The following MIER3 variants were observed in gnomAD, a reference collection of about 807,000 sequenced individuals.
MIER3 encodes MIER family member 3.
Under a neutral mutation model 63.2 loss-of-function variants are expected in MIER3, and 9 were observed. The ratio of observed to expected loss-of-function variants is 0.14; its 90% CI spans 0.09 to 0.25. The LOEUF (loss-of-function observed/expected upper bound fraction) is 0.25. Ranked by LOEUF, MIER3 falls within the 10% of genes least tolerant of loss-of-function variation. The pLI, the probability that MIER3 is intolerant of heterozygous loss-of-function variation, is 1.00. For missense variants in MIER3, 512 were observed against 666.2 expected, an observed-to-expected ratio of 0.77 and a Z score of 2.55; for synonymous variants, 205 against 224.9, an observed-to-expected ratio of 0.91 and a Z score of 0.79.
intron 1 of MIER3, 30 bp downstream of exon 1, chr5:56,952,064 C>G (rs1172308793): frequency 3.9e-6 from 5 of 1,290,690 alleles, no homozygotes; most frequent in Admixed American, 6.3e-5. Flanking sequence ...CGCTCCAGCC[C>G]GGCTGCTCCT....
chr5:56,944,882 A>T (rs576531150), intron 3 of MIER3, among the ~76,000 whole-genome samples: 219 of 150,318 alleles, frequency 1.5e-3, no homozygotes, highest in Middle Eastern at 0.01. Flanking sequence ...TTTTTGGTAG[A>T]AACAGGGTCT....
intron 3 of MIER3, among the ~76,000 whole-genome samples, chr5:56,943,210 G>A (rs1216993785): frequency 1.3e-5 from 2 of 152,018 alleles, no homozygotes; most frequent in East Asian, 3.9e-4. Context: ...GAACGGGAGG[G>A]AAGAAAGTAC....
intron 2 of MIER3, 41 bp from the exon 3 acceptor site, chr5:56,947,112 G>C: frequency 6.4e-7 from 1 of 1,558,156 alleles, no homozygotes; most frequent in Non-Finnish European, 8.6e-7. Flanking sequence ...CATTTACAAG[G>C]CTATTAACAA....
At chr5:56,935,241 G>C (rs377046975) in intron 7 of MIER3, among the ~76,000 whole-genome samples, 187 bp downstream of exon 7, 3 of 152,076 alleles carry the variant, frequency 2.0e-5, no homozygotes, top group Non-Finnish European at 4.4e-5. Flanking sequence ...GGGGTGGGGG[G>C]AAACTCTGAG....
intron 9 of MIER3, chr5:56,929,393 C>A (rs914086224): frequency 6.6e-6 from 1 of 152,014 alleles, no homozygotes; most frequent in Non-Finnish European, 1.5e-5. Flanking sequence ...CATGGAAAAA[C>A]CCTGTCTTTA....
chr5:56,952,117 G>A lies in MIER3; in HGVS notation c.-15C>T, dbSNP rs1014182298. ...ACCTCCGCCATATTGGTACCTTTAG[G>A]GCGAACGAGCAGCGCCGAGCCCAGT... is the stretch of plus-strand genomic sequence containing the variant. On this transcript the variant is annotated 5_prime_UTR_variant, in exon 1 of 13. Coordinates refer to ENST00000381199, the MANE Select transcript of MIER3 (RefSeq NM_001297599.2). 11 of 1,289,438 alleles carry A rather than the reference G, an allele frequency of 8.5e-6. No homozygotes were observed. In the African/African-American group the frequency reaches 9.5e-5, roughly 11 times the overall value. 79.9% of individuals were successfully genotyped at this position (1,289,438 alleles called of 1,614,324 possible).
chr5:56,948,243 A>G (rs1351534138), intron 2 of MIER3, among the ~76,000 whole-genome samples: 2 of 152,234 alleles, frequency 1.3e-5, no homozygotes, highest in Non-Finnish European at 2.9e-5. Flanking sequence ...AGAGAACTCT[A>G]ATTAGTTCTA....
chr5:56,951,873 C>T (rs959963878), intron 1 of MIER3, among the ~76,000 whole-genome samples: 1 of 150,790 alleles, frequency 6.6e-6, no homozygotes, highest in Admixed American at 6.6e-5. Flanking sequence ...GGGCCGGAGC[C>T]GCCGCGGCCT....
At chr5:56,933,074 T>C (rs1442563949) in intron 8 of MIER3, among the ~76,000 whole-genome samples, 173 bp downstream of exon 8, 1 of 152,168 alleles carries the variant, frequency 6.6e-6, no homozygotes, top group Non-Finnish European at 1.5e-5. Context: ...AAAACTACAG[T>C]GAAGTTATCT....
intron 2 of MIER3, among the ~76,000 whole-genome samples, chr5:56,947,946 A>T (rs1210668418): frequency 6.6e-6 from 1 of 152,258 alleles, no homozygotes. Flanking sequence ...TTATAAAAAA[A>T]CAGGATTTTC....
At chr5:56,937,508 A>C (rs1750488716) in intron 5 of MIER3, 70 bp downstream of exon 5, 1 of 1,375,654 alleles carries the variant, frequency 7.3e-7, no homozygotes, top group Non-Finnish European at 9.8e-7. Flanking sequence ...CAAATTACTG[A>C]ACACAATAAA....
In MIER3 at chr5:56,937,579, T is replaced by C; in HGVS notation, c.435A>G (p.Arg145=). 1 of 1,603,358 alleles carries C rather than the reference T, an allele frequency of 6.2e-7. No individual in the cohort carries two copies. Among genetic ancestry groups the C allele is most frequent in the Non-Finnish European group, 8.5e-7 (1 of 1,174,398 alleles). Residue 145 remains arginine, a splice_region_variant and synonymous_variant, in exon 5 of 13, where the codon CGA becomes CGG. Transcript: ENST00000381199. The part of the protein sequence containing the change: ...ETSDFFPRPL[R]SNTACDGDKE... Reference sequence around the variant, plus strand: ...TCAGTAATCCACTGGGTTTCTTACATCGTAAAGGCCTAGGGAAGAAATCAG... The same window carrying C: ...TCAGTAATCCACTGGGTTTCTTACACCGTAAAGGCCTAGGGAAGAAATCAG...
At chr5:56,950,978 C>T (rs1358880888) in intron 1 of MIER3, among the ~76,000 whole-genome samples, 1 of 151,822 alleles carries the variant, frequency 6.6e-6, no homozygotes, top group Non-Finnish European at 1.5e-5. Context: ...CCATCAGTCC[C>T]CCATCCCTGG....
intron 9 of MIER3, chr5:56,929,065 G>A (rs1750156017): frequency 6.4e-6 from 3 of 465,386 alleles, no homozygotes; most frequent in African/African-American, 2.0e-5. Context: ...CCAAAAGCAT[G>A]CATACTACAG....
At chr5:56,948,894 G>T (rs1049017174) in intron 2 of MIER3, among the ~76,000 whole-genome samples, 4 of 152,054 alleles carry the variant, frequency 2.6e-5, no homozygotes, top group Non-Finnish European at 4.4e-5. Flanking sequence ...CCTTTAACAT[G>T]GAAGGTATTC....
rs752607747 is a variant in MIER3, at chr5:56,930,760, C to A, written c.748-15G>T. 23 of 1,601,944 alleles carry A rather than the reference C, an allele frequency of 1.4e-5. 1 individual carries two copies. The South Asian group carries it at 2.5e-4, about 18-fold the overall frequency. On this transcript the variant is annotated splice_polypyrimidine_tract_variant and intron_variant, in intron 8 of 12. Transcript: ENST00000381199. ...TCATATAATGCCTGGGATGGATATT[C>A]AATAAAAAGTATTAAAAGTTCATAC...
intron 1 of MIER3, among the ~76,000 whole-genome samples, chr5:56,951,458 C>A (rs1199166558): frequency 6.6e-6 from 1 of 152,164 alleles, no homozygotes; most frequent in Non-Finnish European, 1.5e-5. Flanking sequence ...GAGAGGGCGT[C>A]GAGGGTCTCG....
chr5:56,931,594 T>C (rs1371765524), intron 8 of MIER3, among the ~76,000 whole-genome samples: 1 of 152,184 alleles, frequency 6.6e-6, no homozygotes, highest in Non-Finnish European at 1.5e-5. Flanking sequence ...CCATAATAGT[T>C]ATAAATAGAT....
In MIER3 at chr5:56,923,420, T is replaced by C. The variant is rs754117997; in HGVS notation, c.1361A>G (p.Asn454Ser). The change falls in exon 13 of 13, where the codon AAT becomes AGT. Residue 454 changes from asparagine (N) to serine (S), a missense_variant. By Grantham distance (46) the Asn-to-Ser change is conservative (BLOSUM62 1). This residue lies in a region of MIER3 where 218 missense variants were observed against 251.2 expected (regional missense o/e 0.87). Coordinates refer to ENST00000381199, the MANE Select transcript of MIER3 (RefSeq NM_001297599.2). ...LPSNGESDCF[N>S]LFETGFYHSE... The stretch of plus-strand genomic sequence containing the variant: ...GTGATAAAATCCAGTCTCAAATAAA[T>C]TAAAACAATCACTTTCCCCATTGCT... 1.2e-6 allele frequency: 2 copies of C among 1,614,190 alleles called. No homozygotes were observed. The highest frequency in any genetic ancestry group is 1.7e-6 in the Non-Finnish European group (2 of 1,180,028).
Sources: gnomAD v4.1 joint callset for allele counts (sites outside exome capture counted in the v4.1 genomes callset) on GRCh38, gnomAD v4.1.1 for gene constraint, gnomAD v4.1.1 regional missense constraint, MANE v1.5 for transcripts, NCBI Gene and HGNC (gene_info 2026-07-23, HGNC 2026-07-21) for gene names.